TERB1: variants seen among roughly 807,000 people sequenced by gnomAD.
The protein encoded by TERB1 is telomere repeats-binding bouquet formation protein 1.
TERB1 carries 63 observed loss-of-function variants against 92.3 expected under a neutral mutation model. The observed-to-expected ratio is 0.68, with a 90% CI of 0.56 to 0.84. The LOEUF (loss-of-function observed/expected upper bound fraction) is 0.84, where lower values mean the gene tolerates loss of function less well. TERB1 is among the 40% of genes least tolerant of loss of function. The probability of loss-of-function intolerance (pLI) is 0.00; values close to 1 mark genes in which losing one functional copy is unlikely to be tolerated. For synonymous variants in TERB1, 252 were observed against 283.9 expected (o/e 0.89, Z 1.13); for missense variants, 709 against 843.7 (o/e 0.84, Z 1.98).
intron 13 of TERB1, 53 bp from the exon 14 acceptor site, chr16:66,770,362 C>T: frequency 3.6e-6 from 4 of 1,101,800 alleles, no homozygotes; most frequent in Non-Finnish European, 5.1e-6. Flanking sequence ...CCTTTATAAT[C>T]CAATTTATAC....
chr16:66,765,847 G>GT (rs2018333047), intron 16 of TERB1, among the ~76,000 whole-genome samples: 20 of 106,640 alleles, frequency 1.9e-4, no homozygotes, highest in South Asian at 3.2e-4. Flanking sequence ...AAACTATTGG[G>GT]TATTTTTTTT....
intron 2 of TERB1, chr16:66,800,168 A>C (rs1216196178): frequency 6.6e-6 from 1 of 151,998 alleles, no homozygotes; most frequent in Admixed American, 6.6e-5. Flanking sequence ...GTTGGAGACC[A>C]GCCTGGCCAA....
intron 9 of TERB1, among the ~76,000 whole-genome samples, chr16:66,779,853 G>T (rs184753904): frequency 7.2e-5 from 11 of 152,164 alleles, no homozygotes; most frequent in Non-Finnish European, 1.5e-4. Context: ...TTACTTCTTG[G>T]AGCATAAAAT....
Position 66,796,823 on chromosome 16 carries a change from T to C in TERB1, c.-25A>G, listed in dbSNP as rs1315021019. On this transcript the variant is annotated 5_prime_UTR_variant, in exon 3 of 19. In the 5' UTR this introduces an upstream ATG that the reference lacks. Coordinates refer to ENST00000433154, the MANE Select transcript of TERB1 (RefSeq NM_001136505.2). ...TGCTTGTCTATATTCTTTTTCCTTA[T>C]ATTTTGTCTATAAGATAAAGGTATT... is the stretch of plus-strand genomic sequence containing the variant. 10 of 1,451,892 alleles carry C rather than the reference T, an allele frequency of 6.9e-6. No individual in the cohort carries two copies. Among genetic ancestry groups the C allele is most frequent in the East Asian group, 2.5e-5 (1 of 40,334 alleles). 89.9% of individuals were successfully genotyped at this position (1,451,892 alleles called of 1,614,324 possible).
At chr16:66,799,313 C>G (rs1959220065) in intron 2 of TERB1, among the ~76,000 whole-genome samples, 1 of 152,054 alleles carries the variant, frequency 6.6e-6, no homozygotes, top group African/African-American at 2.4e-5. Flanking sequence ...CTGTAACCTC[C>G]ACCTCCCGGG....
At chr16:66,766,406 T>G (rs929185043) in intron 16 of TERB1, among the ~76,000 whole-genome samples, 1 of 152,080 alleles carries the variant, frequency 6.6e-6, no homozygotes, top group Non-Finnish European at 1.5e-5. Context: ...ACCTCAATTT[T>G]GTCCATAGAG....
upstream of TERB1, among the ~76,000 whole-genome samples, chr16:66,801,934 C>G (rs912187728): frequency 1.3e-5 from 2 of 152,206 alleles, no homozygotes; most frequent in African/African-American, 4.8e-5. Flanking sequence ...TGTGTTCTCC[C>G]TTTTGTTGGG....
chr16:66,769,919 G>T lies in TERB1; in HGVS notation c.1619+44C>A. ...TGGCATACTGTAGTACACAATAAAT[G>T]CTTGCTGAATAAATAAAAGTTACAC... On this transcript the variant is annotated intron_variant, in intron 14 of 18. Coordinates refer to ENST00000433154, the MANE Select transcript of TERB1 (RefSeq NM_001136505.2). 12 of 1,329,042 alleles carry T rather than the reference G, an allele frequency of 9.0e-6. 1 individual carries two copies. Among genetic ancestry groups the T allele is most frequent in the Non-Finnish European group, 1.3e-5 (12 of 956,654 alleles). The allele number at this position is 1,329,042 out of a possible 1,614,324, so 82.3% of individuals were successfully genotyped here. A position where few individuals can be genotyped will look rare whatever the true frequency, so the allele number is the denominator to read the frequency against.
At chr16:66,757,209 G>A (rs2018152210) in intron 18 of TERB1, among the ~76,000 whole-genome samples, 1 of 152,082 alleles carries the variant, frequency 6.6e-6, no homozygotes, top group African/African-American at 2.4e-5. Context: ...AGATTATTTG[G>A]TTTTAGCTAA....
At position 66,788,440 on chromosome 16, in the gene TERB1, A is replaced by C. The variant is rs910097052; in HGVS notation, c.272-143T>G. 3 of 605,020 alleles carry C rather than the reference A, an allele frequency of 5.0e-6. No homozygotes were observed. In the African/African-American group the frequency reaches 5.9e-5, roughly 12 times the overall value. The allele number at this position is 605,020 out of a possible 1,614,324, so 37.5% of individuals were successfully genotyped here. A position where few individuals can be genotyped will look rare whatever the true frequency, so the allele number is the denominator to read the frequency against. ...TTGATATTTATTAGTCATACAACAAAATTTCTGACAAACTGATATGCGCTT... is the reference window on the plus strand; with the variant it reads ...TTGATATTTATTAGTCATACAACAACATTTCTGACAAACTGATATGCGCTT... On this transcript the variant is annotated intron_variant, in intron 5 of 18. Transcript: ENST00000433154.
Position 66,766,170 on chromosome 16 carries a change from C to T in TERB1, c.1780+1245G>A, listed in dbSNP as rs550681921. 1.6e-4 allele frequency among the ~76,000 whole-genome samples: 24 copies of T among 152,002 alleles called. No individual in the cohort carries two copies. The South Asian group carries it at 2.7e-3, about 17-fold the overall frequency. On this transcript the variant is annotated intron_variant, in intron 16 of 18. Transcript: ENST00000433154. ...ACAGGCGTGAGCCACCGCGCCCGGC[C>T]GGGTATTTTTTTAAGATGAGGAAAA...
chr16:66,754,993 T>C lies in TERB1; in HGVS notation c.2167A>G (p.Thr723Ala). ...TCTTTCAATCAAGAAGCTGCACACG[T>C]GGGGTGTTTGGTCAGCTTGTGGTAT... ...HKYHKLTKHP[T>A]CAAS Residue 723 changes from threonine to alanine, a missense_variant, in exon 19 of 19, where the codon ACG becomes GCG. By Grantham distance (58) the Thr-to-Ala change is moderately conservative (BLOSUM62 0). Coordinates refer to ENST00000433154, the MANE Select transcript of TERB1 (RefSeq NM_001136505.2). 6.4e-7 allele frequency: 1 copy of C among 1,550,880 alleles called. No individual in the cohort carries two copies. Among genetic ancestry groups the C allele is most frequent in the Non-Finnish European group, 8.7e-7 (1 of 1,146,802 alleles).
intron 16 of TERB1, among the ~76,000 whole-genome samples, chr16:66,766,198 G>A (rs1462411438): frequency 6.6e-6 from 1 of 152,122 alleles, no homozygotes; most frequent in Non-Finnish European, 1.5e-5. Flanking sequence ...GAGGAAAAAT[G>A]AGCATAGTTC....
At chr16:66,759,105 C>T in intron 17 of TERB1, 36 bp downstream of exon 17, 1 of 1,466,694 alleles carries the variant, frequency 6.8e-7, no homozygotes, top group Non-Finnish European at 9.2e-7. Flanking sequence ...GAAGGTATAG[C>T]CATAATTACA....
At position 66,785,904 on chromosome 16, in the gene TERB1, C is replaced by T; in HGVS notation, c.582G>A (p.Glu194=). 6.5e-7 allele frequency: 1 copy of T among 1,542,418 alleles called. No individual in the cohort carries two copies. The highest frequency in any genetic ancestry group is 1.2e-5 in the South Asian group (1 of 81,442). Residue 194 remains glutamate, a synonymous_variant, in exon 9 of 19, where the codon GAG becomes GAA. Coordinates refer to ENST00000433154, the MANE Select transcript of TERB1 (RefSeq NM_001136505.2). ...CVCVNNPQND[E]NQMFCCSLFP... is the part of the protein sequence containing the mutation. The stretch of plus-strand genomic sequence containing the variant: ...AAAGGGAACAGCAAAACATTTGATT[C>T]TCATCTGAAAGAAGACAAAGTCAAT...
chr16:66,793,605 G>A (rs972684338), intron 3 of TERB1, among the ~76,000 whole-genome samples: 2 of 151,798 alleles, frequency 1.3e-5, no homozygotes, highest in African/African-American at 2.4e-5. Context: ...TCTGCCTCCC[G>A]GGCTCAAGCA....
rs755899671 is a variant in TERB1, at chr16:66,785,920, CAA to C, written c.578-14_578-13del. 1 of 1,536,340 alleles carries C rather than the reference CAA, an allele frequency of 6.5e-7. No homozygotes were observed. The highest frequency in any genetic ancestry group is 1.2e-5 in the South Asian group (1 of 80,452). ...CATTTGATTCTCATCTGAAAGAAGACAAAGTCAATCATGATTTAATATGACAA... is the reference window on the plus strand; with the variant it reads ...CATTTGATTCTCATCTGAAAGAAGACAGTCAATCATGATTTAATATGACAA... On this transcript the variant is annotated splice_polypyrimidine_tract_variant and intron_variant, in intron 8 of 18. Coordinates refer to ENST00000433154, the MANE Select transcript of TERB1 (RefSeq NM_001136505.2).
intron 5 of TERB1, among the ~76,000 whole-genome samples, chr16:66,789,115 A>T (rs1011603421): frequency 3.3e-5 from 5 of 151,866 alleles, no homozygotes; most frequent in Admixed American, 1.3e-4. Context: ...TGTACACTTT[A>T]AAATAACTAA....
At chr16:66,793,551 A>G (rs1221806285) in intron 3 of TERB1, among the ~76,000 whole-genome samples, 1 of 150,112 alleles carries the variant, frequency 6.7e-6, no homozygotes, top group African/African-American at 2.5e-5. Flanking sequence ...TCACTCTGTC[A>G]CCCAAGCTGG....
Sources: gnomAD v4.1 joint callset for allele counts (sites outside exome capture counted in the v4.1 genomes callset) on GRCh38, gnomAD v4.1.1 for gene constraint, MANE v1.5 for transcripts, NCBI Gene and HGNC (gene_info 2026-07-23, HGNC 2026-07-21) for gene names.